The following MYT1L variants were observed in gnomAD, a reference collection of about 807,000 sequenced individuals.
MYT1L encodes myelin transcription factor 1 like.
MYT1L carries 12 observed loss-of-function variants against 126.7 expected under a neutral mutation model. The ratio of observed to expected loss-of-function variants is 0.09; its 90% CI spans 0.06 to 0.15. The LOEUF (loss-of-function observed/expected upper bound fraction) is 0.15. Ranked by LOEUF, MYT1L falls within the 10% of genes least tolerant of loss-of-function variation. The probability of loss-of-function intolerance (pLI) is 1.00; values close to 1 mark genes in which losing one functional copy is unlikely to be tolerated. For synonymous variants in MYT1L, 541 were observed against 604.2 expected, an observed-to-expected ratio of 0.90 and a Z score of 1.53; for missense variants, 979 against 1,585.2, an observed-to-expected ratio of 0.62 and a Z score of 6.49.
At chr2:2,162,389 C>G (rs1463314715) in intron 3 of MYT1L, among the ~76,000 whole-genome samples, 1 of 152,104 alleles carries the variant, frequency 6.6e-6, no homozygotes, top group African/African-American at 2.4e-5. Context: ...TGCCCGCGGT[C>G]CACAGAGAAG....
At chr2:2,089,734 TCTGTCTCTGTCG>T (rs2076717292) in intron 3 of MYT1L, among the ~76,000 whole-genome samples, 2 of 152,120 alleles carry the variant, frequency 1.3e-5, no homozygotes, top group East Asian at 3.9e-4. Context: ...TCTTCCTCTC[TCTGTCTCTGTCG>T]CTGTCTCTGA....
Position 2,228,291 on chromosome 2 carries a change from T to C in MYT1L, c.-420-55303A>G, listed in dbSNP as rs1045745964. 6.6e-6 allele frequency among the ~76,000 whole-genome samples: 1 copy of C among 152,208 alleles called. No individual in the cohort carries two copies. The highest frequency in any genetic ancestry group is 1.5e-5 in the Non-Finnish European group (1 of 68,040). ...AGCACAAAGATGCAAAAGTCCATCA[T>C]ATGACTTTCAAATTGGCAAAGGTGA... On this transcript the variant is annotated intron_variant, in intron 2 of 24. Coordinates refer to ENST00000647738, the MANE Select transcript of MYT1L (RefSeq NM_001303052.2). This position sits in a 1 kb window ranked among gnomAD's most constrained non-coding sequence, Gnocchi z 5.9.
At chr2:1,920,863 A>G (rs971059561) in intron 10 of MYT1L, among the ~76,000 whole-genome samples, 2 of 152,242 alleles carry the variant, frequency 1.3e-5, no homozygotes, top group African/African-American at 4.8e-5. Context: ...CCTCTAAAAA[A>G]CAATCCCTTC....
chr2:2,077,093 G>C (rs556392531), intron 3 of MYT1L, among the ~76,000 whole-genome samples: 1 of 151,988 alleles, frequency 6.6e-6, no homozygotes, highest in East Asian at 1.9e-4. Context: ...TAACAAATTT[G>C]ACCCTTAAGA....
intron 19 of MYT1L, chr2:1,842,930 C>T (rs2041982322): frequency 5.6e-6 from 1 of 177,978 alleles, no homozygotes; most frequent in Non-Finnish European, 1.2e-5. Flanking sequence ...CGCTTCCAGG[C>T]GCTTCCGCTT....
At chr2:1,957,378 T>TA (rs1373219553) in intron 8 of MYT1L, among the ~76,000 whole-genome samples, 1 of 152,172 alleles carries the variant, frequency 6.6e-6, no homozygotes, top group Non-Finnish European at 1.5e-5. Context: ...CTAAGCAGTA[T>TA]ATGCTGTACC....
intron 3 of MYT1L, among the ~76,000 whole-genome samples, chr2:2,153,036 G>A (rs1378233969): frequency 6.6e-6 from 1 of 152,218 alleles, no homozygotes; most frequent in Admixed American, 6.5e-5. Context: ...CATGGCTTGT[G>A]CCTGTAATCT....
At chr2:2,130,799 T>C (rs1236594716) in intron 3 of MYT1L, among the ~76,000 whole-genome samples, 2 of 152,156 alleles carry the variant, frequency 1.3e-5, no homozygotes, top group Admixed American at 1.3e-4. Context: ...AGGGGAATAA[T>C]ATTAGCTTTT....
intron 3 of MYT1L, among the ~76,000 whole-genome samples, chr2:2,097,106 T>C (rs1221805422): frequency 6.6e-6 from 1 of 152,166 alleles, no homozygotes; most frequent in East Asian, 1.9e-4. Flanking sequence ...CCCAGCCTCT[T>C]CCCTGGCCTC....
chr2:1,921,513 A>G (rs1335484193), intron 10 of MYT1L, among the ~76,000 whole-genome samples: 1 of 152,224 alleles, frequency 6.6e-6, no homozygotes, highest in Non-Finnish European at 1.5e-5. Context: ...ATATTTCGTA[A>G]AAGAAAACTC....
intron 18 of MYT1L, among the ~76,000 whole-genome samples, chr2:1,859,461 G>A (rs1401476296): frequency 9.9e-5 from 15 of 152,192 alleles, no homozygotes; most frequent in Admixed American, 7.9e-4. Context: ...TGCTCAGAAC[G>A]TGCAAGGGTC....
At chr2:2,222,351 G>C (rs2093897984) in intron 2 of MYT1L, among the ~76,000 whole-genome samples, 1 of 152,010 alleles carries the variant, frequency 6.6e-6, no homozygotes, top group South Asian at 2.1e-4. Context: ...AATTAGCCAG[G>C]TGTGGTGGAG....
At chr2:2,321,974 A>G (rs2096175081) in intron 1 of MYT1L, among the ~76,000 whole-genome samples, 2 of 152,184 alleles carry the variant, frequency 1.3e-5, no homozygotes, top group African/African-American at 4.8e-5. Context: ...TACTAACCCT[A>G]TGGCTCAAAT....
At chr2:2,026,229 C>T (rs897535505) in intron 4 of MYT1L, among the ~76,000 whole-genome samples, 4 of 152,204 alleles carry the variant, frequency 2.6e-5, no homozygotes, top group Middle Eastern at 6.8e-3. Context: ...TATGACGTGG[C>T]CCCAGTCTGT....
chr2:2,168,478 G>C (rs563715256), intron 3 of MYT1L, among the ~76,000 whole-genome samples: 2 of 152,176 alleles, frequency 1.3e-5, no homozygotes, highest in African/African-American at 4.8e-5. Flanking sequence ...CACATCAGCT[G>C]TTTCTAAATT....
At chr2:2,205,534 A>G (rs566847533) in intron 2 of MYT1L, among the ~76,000 whole-genome samples, 11 of 152,320 alleles carry the variant, frequency 7.2e-5, no homozygotes, top group Admixed American at 2.6e-4. Context: ...GGAACATCCA[A>G]ACTCAATCAT....
intron 22 of MYT1L, among the ~76,000 whole-genome samples, chr2:1,802,133 T>C (rs1292315126): frequency 2.6e-5 from 4 of 152,170 alleles, no homozygotes. Context: ...GCCGATTTGC[T>C]GAGCCTGGCC....
intron 2 of MYT1L, among the ~76,000 whole-genome samples, chr2:2,221,169 G>A (rs2093855649): frequency 6.6e-6 from 1 of 152,148 alleles, no homozygotes; most frequent in South Asian, 2.1e-4. Flanking sequence ...TGGATCCTAA[G>A]AGTACAGAGT....
chr2:2,236,142 C>A (rs1403166517), intron 2 of MYT1L, among the ~76,000 whole-genome samples: 1 of 148,874 alleles, frequency 6.7e-6, no homozygotes, highest in Non-Finnish European at 1.5e-5. Flanking sequence ...CCCAACCCAA[C>A]CCAGTACATC....
Sources: allele counts gnomAD v4.1 joint callset (sites outside exome capture counted in the v4.1 genomes callset), GRCh38; gene constraint gnomAD v4.1.1; non-coding constraint Gnocchi (gnomAD v3.1); transcripts MANE v1.5; gene names NCBI Gene and HGNC (gene_info 2026-07-23, HGNC 2026-07-21).